KCTD8: variants seen among roughly 807,000 people sequenced by gnomAD.
The protein encoded by KCTD8 is potassium channel tetramerization domain containing 8.
In KCTD8, 27 loss-of-function variants were observed where a neutral mutation model predicts 31.5. The ratio of observed to expected loss-of-function variants is 0.86; its 90% confidence interval spans 0.63 to 1.18. The LOEUF is 1.18. Among genes scored for constraint, KCTD8 ranks in the 50% most tolerant of loss-of-function variants. The probability of loss-of-function intolerance (pLI) is 0.00; values close to 1 mark genes in which losing one functional copy is unlikely to be tolerated. For missense variants in KCTD8, 658 were observed against 647.7 expected, an observed-to-expected ratio of 1.02 and a Z score of -0.17; for synonymous variants, 290 against 280.0, an observed-to-expected ratio of 1.04 and a Z score of -0.36.
chr4:44,278,982 G>C (rs1716824890), intron 1 of KCTD8, among the ~76,000 whole-genome samples: 1 of 152,048 alleles, frequency 6.6e-6, no homozygotes, highest in Non-Finnish European at 1.5e-5. Flanking sequence ...GGTCTGTTAG[G>C]AGAGGCACTT....
At chr4:44,442,751 G>A (rs1721844214) in intron 1 of KCTD8, among the ~76,000 whole-genome samples, 2 of 105,494 alleles carry the variant, frequency 1.9e-5, no homozygotes, top group South Asian at 6.5e-4. Context: ...TTTTTCCAAA[G>A]AGGCTTTTTC....
chr4:44,434,856 A>C (rs1189756753), intron 1 of KCTD8, among the ~76,000 whole-genome samples: 3 of 151,870 alleles, frequency 2.0e-5, no homozygotes, highest in Non-Finnish European at 4.4e-5. Flanking sequence ...ATTAACAAGG[A>C]ATTTCTCTGA....
intron 1 of KCTD8, among the ~76,000 whole-genome samples, chr4:44,350,724 A>G (rs778585317): frequency 2.0e-5 from 3 of 152,226 alleles, no homozygotes; most frequent in Non-Finnish European, 2.9e-5. Flanking sequence ...CTAATTTATG[A>G]AATGCCACCA....
At chr4:44,179,478 A>G (rs897272908) in intron 1 of KCTD8, among the ~76,000 whole-genome samples, 1 of 149,012 alleles carries the variant, frequency 6.7e-6, no homozygotes, top group Non-Finnish European at 1.5e-5. Context: ...ATATATTAAC[A>G]TATAACATAT....
intron 1 of KCTD8, among the ~76,000 whole-genome samples, chr4:44,361,470 A>T (rs17599823): frequency 6.6e-6 from 1 of 151,990 alleles, no homozygotes; most frequent in Admixed American, 6.6e-5. Context: ...TGAAATACTT[A>T]ATAGTGATGC....
At chr4:44,440,281 G>A (rs953850851) in intron 1 of KCTD8, among the ~76,000 whole-genome samples, 4 of 152,066 alleles carry the variant, frequency 2.6e-5, no homozygotes, top group Admixed American at 2.6e-4. Flanking sequence ...ACCTTTATGT[G>A]TGTGTTTCCA....
chr4:44,244,852 G>T (rs68092707), intron 1 of KCTD8, among the ~76,000 whole-genome samples: 3 of 149,130 alleles, frequency 2.0e-5, no homozygotes, highest in Non-Finnish European at 3.0e-5. Context: ...AGTTGTGGGG[G>T]GGGGGGGGTC....
intron 1 of KCTD8, among the ~76,000 whole-genome samples, chr4:44,251,516 T>C (rs1253032520): frequency 1.3e-5 from 2 of 151,702 alleles, no homozygotes; most frequent in Non-Finnish European, 3.0e-5. Flanking sequence ...ATTTTTTCCA[T>C]GAAATGTCTA....
At chr4:44,227,284 T>C (rs1169214066) in intron 1 of KCTD8, among the ~76,000 whole-genome samples, 1 of 152,198 alleles carries the variant, frequency 6.6e-6, no homozygotes, top group Non-Finnish European at 1.5e-5. Context: ...CAGCACCATT[T>C]ATTAAATAGG....
chr4:44,315,484 AC>A (rs1718079756), intron 1 of KCTD8, among the ~76,000 whole-genome samples: 1 of 152,134 alleles, frequency 6.6e-6, no homozygotes, highest in African/African-American at 2.4e-5. Context: ...AGATGTAAGA[AC>A]AAGCCATTGA....
intron 1 of KCTD8, among the ~76,000 whole-genome samples, chr4:44,298,159 G>C (rs1237217820): frequency 6.6e-6 from 1 of 152,106 alleles, no homozygotes; most frequent in Non-Finnish European, 1.5e-5. Flanking sequence ...AAGAATAACA[G>C]AAAGACACTA....
chr4:44,394,694 G>A (rs756961639), intron 1 of KCTD8, among the ~76,000 whole-genome samples: 6 of 152,140 alleles, frequency 3.9e-5, no homozygotes, highest in Non-Finnish European at 7.4e-5. Flanking sequence ...GACAGGTGAA[G>A]CATTACATCT....
At chr4:44,366,241 C>G (rs1198688155) in intron 1 of KCTD8, among the ~76,000 whole-genome samples, 8 of 152,108 alleles carry the variant, frequency 5.3e-5, no homozygotes. Context: ...GAAGGAGACT[C>G]ATATGGTTTG....
chr4:44,190,919 C>T (rs905958460), intron 1 of KCTD8, among the ~76,000 whole-genome samples: 11 of 152,110 alleles, frequency 7.2e-5, no homozygotes, highest in Admixed American at 6.5e-4. Context: ...GATGCAAATA[C>T]CCTTGAAATA....
At chr4:44,438,706 C>T (rs1287032055) in intron 1 of KCTD8, among the ~76,000 whole-genome samples, 3 of 152,140 alleles carry the variant, frequency 2.0e-5, no homozygotes, top group Non-Finnish European at 2.9e-5. Context: ...ATAGGAGTTG[C>T]TTTCAACTTC....
In KCTD8 at chr4:44,366,459, G is replaced by A. The variant is rs185481395; in HGVS notation, c.961+81104C>T. 2.0e-5 allele frequency among the ~76,000 whole-genome samples: 3 copies of A among 152,320 alleles called. No individual in the cohort carries two copies. In the East Asian group the frequency reaches 5.8e-4, roughly 29 times the overall value. ...CTATTTTCTGCTGCCATGTGAAGATGTGCTTGCTTCCTCTTTGCCTTCTGC... is the reference window on the plus strand; with the variant it reads ...CTATTTTCTGCTGCCATGTGAAGATATGCTTGCTTCCTCTTTGCCTTCTGC... On this transcript the variant is annotated intron_variant, in intron 1 of 1. Transcript: ENST00000360029.
intron 1 of KCTD8, among the ~76,000 whole-genome samples, chr4:44,222,894 G>A (rs1348899886): frequency 6.6e-6 from 1 of 152,212 alleles, no homozygotes; most frequent in African/African-American, 2.4e-5. Flanking sequence ...AAGGTAAACA[G>A]TGGCCCTGAA....
intron 1 of KCTD8, among the ~76,000 whole-genome samples, chr4:44,294,478 T>G (rs1577598432): frequency 6.6e-6 from 1 of 152,208 alleles, no homozygotes; most frequent in African/African-American, 2.4e-5. Flanking sequence ...TCAAAACCAT[T>G]TCCTCATTAC....
chr4:44,440,928 G>A (rs1315950355), intron 1 of KCTD8, among the ~76,000 whole-genome samples: 1 of 152,086 alleles, frequency 6.6e-6, no homozygotes, highest in African/African-American at 2.4e-5. Context: ...ATGGGTCAGG[G>A]AATAAACTTA....
Sources: allele counts gnomAD v4.1 joint callset (sites outside exome capture counted in the v4.1 genomes callset), GRCh38; gene constraint gnomAD v4.1.1; transcripts MANE v1.5; gene names NCBI Gene and HGNC (gene_info 2026-07-23, HGNC 2026-07-21).